Variants in ANK1 observed in about 807,000 individuals in gnomAD.
ANK1 encodes the protein ankyrin 1.
In ANK1, 51 loss-of-function variants were observed where a neutral mutation model predicts 210.4. That is an observed-to-expected ratio of 0.24 (90% CI 0.19 to 0.31). ANK1 has a LOEUF of 0.31. ANK1 is among the 10% of genes least tolerant of loss of function. The pLI is 1.00. For missense variants in ANK1, 2,051 were observed against 2,504.4 expected, an observed-to-expected ratio of 0.82 and a Z score of 3.86; for synonymous variants, 967 against 1,025.9, an observed-to-expected ratio of 0.94 and a Z score of 1.10.
intron 1 of ANK1, among the ~76,000 whole-genome samples, chr8:41,807,265 G>A (rs1156610363): frequency 3.9e-5 from 6 of 152,292 alleles, no homozygotes; most frequent in South Asian, 2.1e-4. Context: ...TCAGATGACC[G>A]AGGCAAGAGA....
At chr8:41,828,084 G>C (rs932560850) in intron 1 of ANK1, 1 of 151,990 alleles carries the variant, frequency 6.6e-6, no homozygotes, top group African/African-American at 2.4e-5. Flanking sequence ...CCCCGCCCCA[G>C]GGCCGCGAGC....
At chr8:41,827,430 G>A (rs546670973) in intron 1 of ANK1, among the ~76,000 whole-genome samples, 1 of 152,312 alleles carries the variant, frequency 6.6e-6, no homozygotes, top group South Asian at 2.1e-4. Flanking sequence ...GCCTGAATTA[G>A]TCAAGCATCA....
intron 2 of ANK1, among the ~76,000 whole-genome samples, chr8:41,756,284 T>C (rs1839134122): frequency 1.3e-5 from 2 of 151,572 alleles, no homozygotes; most frequent in African/African-American, 4.9e-5. Context: ...TAGCTGGGAC[T>C]ATAGGCACGC....
At chr8:41,784,721 A>C (rs1037816756) in intron 1 of ANK1, among the ~76,000 whole-genome samples, 5 of 152,226 alleles carry the variant, frequency 3.3e-5, no homozygotes, top group Admixed American at 2.6e-4. Flanking sequence ...AAGGTTTTGC[A>C]AATTAAACAA....
chr8:41,833,728 T>G (rs927857286), intron 1 of ANK1, among the ~76,000 whole-genome samples: 2 of 152,176 alleles, frequency 1.3e-5, no homozygotes, highest in Admixed American at 1.3e-4. Flanking sequence ...CCGGGCTCTG[T>G]GTTGGTGCTG....
chr8:41,797,639 G>A, upstream of ANK1: 2 of 1,564,994 alleles, frequency 1.3e-6, no homozygotes, highest in Non-Finnish European at 1.7e-6. This position sits in a 1 kb window ranked among gnomAD's most constrained non-coding sequence, Gnocchi z 4.0. Context: ...CCTGTGACGT[G>A]CGGGCCAGGC....
chr8:41,777,759 G>A (rs1394999712), intron 1 of ANK1, among the ~76,000 whole-genome samples: 1 of 152,076 alleles, frequency 6.6e-6, no homozygotes. Context: ...CCTTTTCAAA[G>A]TGACCTGTCT....
intron 1 of ANK1, among the ~76,000 whole-genome samples, chr8:41,775,369 C>T (rs1375248442): frequency 6.6e-6 from 1 of 152,140 alleles, no homozygotes; most frequent in Non-Finnish European, 1.5e-5. Flanking sequence ...TCCAGAGGGG[C>T]TTGTGACCCT....
chr8:41,708,942 G>C lies in ANK1; in HGVS notation c.1834C>G (p.Gln612Glu). The change falls in exon 17 of 43, where the codon CAG (glutamine) becomes GAG (glutamate). Residue 612 changes from glutamine to glutamate, a missense_variant. Gln to Glu is a conservative substitution (Grantham distance 29). Transcript: ENST00000289734. Reference protein sequence around the residue: ...GYTPLHIAAKQNQVEVARSLL... With the variant: ...GYTPLHIAAKENQVEVARSLL... The stretch of plus-strand genomic sequence containing the variant: ...CTACGGGCCACCTCCACCTGGTTCT[G>C]CTTGGCAGCGATGTGCAAAGGGGTG... The C allele has an allele frequency of 1.2e-6, 2 of 1,614,088 alleles. No individual in the cohort carries two copies. Among genetic ancestry groups the C allele is most frequent in the Non-Finnish European group, 1.7e-6 (2 of 1,180,026 alleles).
In ANK1 at chr8:41,661,791, G is replaced by A. The variant is rs373455493; in HGVS notation, c.5544+85C>T. 8.1e-6 allele frequency: 13 copies of A among 1,613,280 alleles called. No homozygotes were observed. Among genetic ancestry groups the A allele is most frequent in the Admixed American group, 1.7e-5 (1 of 60,010 alleles). On this transcript the variant is annotated intron_variant, in intron 41 of 42. Transcript: ENST00000289734. Reference sequence around the variant, plus strand: ...CGCTGGGTCCCCCAGGGCCGCGGGCGCCTCAGTACCTTGGAGTGTTTCATA... The same window carrying A: ...CGCTGGGTCCCCCAGGGCCGCGGGCACCTCAGTACCTTGGAGTGTTTCATA...
At position 41,672,843 on chromosome 8, in the gene ANK1, C is replaced by T. The variant is rs767213092; in HGVS notation, c.4607G>A (p.Arg1536His). The T allele has an allele frequency of 1.9e-5, 31 of 1,611,638 alleles. No individual in the cohort carries two copies. The highest frequency in any genetic ancestry group is 4.4e-5 in the South Asian group (4 of 90,974). Residue 1536 changes from arginine to histidine, a missense_variant, in exon 38 of 43, where the codon CGT becomes CAT. Arg to His is a conservative substitution (Grantham distance 29, BLOSUM62 0). This residue lies in a region of ANK1 where 496 missense variants were observed against 533.4 expected (regional missense o/e 0.93). Coordinates refer to ENST00000289734, the MANE Select transcript of ANK1 (RefSeq NM_000037.4). The stretch of plus-strand genomic sequence containing the variant: ...CACCTCATTCCAGTACTGGTCTGCA[C>T]GTAGCGGAGAGGAAAGTGCACAGCC... ...SLGCALSSPL[R>H]ADQYWNEVAV...
chr8:41,871,208 A>T (rs1437604872), intron 1 of ANK1, among the ~76,000 whole-genome samples: 1 of 152,184 alleles, frequency 6.6e-6, no homozygotes, highest in Non-Finnish European at 1.5e-5. Context: ...ATGAGGCTGC[A>T]TCTTCTCTCT....
At chr8:41,857,027 C>T (rs1260467128) in intron 1 of ANK1, among the ~76,000 whole-genome samples, 1 of 151,728 alleles carries the variant, frequency 6.6e-6, no homozygotes, top group African/African-American at 2.4e-5. Context: ...TACAGATGCG[C>T]ACCACCATGC....
At position 41,725,882 on chromosome 8, in the gene ANK1, A is replaced by G. The variant is rs1179131473; in HGVS notation, c.491T>C (p.Ile164Thr). Residue 164 changes from isoleucine (I) to threonine (T), a missense_variant, in exon 6 of 43, where the codon ATC becomes ACC. This residue lies in a region of ANK1 where 1,413 missense variants were observed against 1,707.4 expected (regional missense o/e 0.83). Transcript: ENST00000289734. ...CACCTTCCCCTTGGTGCCGTAGTTG[A>G]TGAGGTGCGCGACGACGTTCTCATG... The part of the protein sequence containing the change: ...QGHENVVAHL[I>T]NYGTKGKVRL... 4.3e-6 allele frequency: 7 copies of G among 1,613,406 alleles called. No homozygotes were observed. The highest frequency in any genetic ancestry group is 1.3e-5 in the African/African-American group (1 of 74,920).
At chr8:41,655,786 G>C in intron 42 of ANK1, 33 bp from the exon 43 acceptor site, 1 of 1,612,248 alleles carries the variant, frequency 6.2e-7, no homozygotes, top group Non-Finnish European at 8.5e-7. Context: ...GAGTCACTTA[G>C]AATGCAAAAG....
intron 1 of ANK1, among the ~76,000 whole-genome samples, chr8:41,888,103 C>T (rs570715293): frequency 2.6e-5 from 4 of 152,354 alleles, no homozygotes; most frequent in Admixed American, 6.5e-5. Context: ...CTGCAAGCCC[C>T]GCAGCTGCCC....
At chr8:41,716,197 A>T (rs1001040084) in intron 13 of ANK1, among the ~76,000 whole-genome samples, 3 of 152,094 alleles carry the variant, frequency 2.0e-5, no homozygotes, top group African/African-American at 4.8e-5. Context: ...TTTGGTGCAT[A>T]AAAGGCACTC....
rs1010501982 is a variant in ANK1 at position 41,694,191 on chromosome 8, C to T, written c.3328-89G>A. On this transcript the variant is annotated intron_variant, in intron 28 of 42. Coordinates refer to ENST00000289734, the MANE Select transcript of ANK1 (RefSeq NM_000037.4). This position sits in a 1 kb window ranked among gnomAD's most constrained non-coding sequence, Gnocchi z 5.7. The stretch of plus-strand genomic sequence containing the variant: ...CAGCTCCATGCCTGGTGAGAGTGGC[C>T]GTCAGTGCACGGGGTCCCGCCCTGC... 41 of 1,378,248 alleles carry T rather than the reference C, an allele frequency of 3.0e-5. No homozygotes were observed. Among genetic ancestry groups the T allele is most frequent in the South Asian group, 1.2e-4 (9 of 77,916 alleles). 85.4% of individuals were successfully genotyped at this position (1,378,248 alleles called of 1,614,324 possible). A position where few individuals can be genotyped will look rare whatever the true frequency, so the allele number is the denominator to read the frequency against.
In ANK1 at chr8:41,841,683, C is replaced by T. The variant is rs532118896; in HGVS notation, c.126+54672G>A. Among the ~76,000 whole-genome samples, 4 of 152,074 alleles carry T rather than the reference C, an allele frequency of 2.6e-5. No homozygotes were observed. In the East Asian group the frequency reaches 5.8e-4, roughly 22 times the overall value. On this transcript the variant is annotated intron_variant, in intron 1 of 42. Coordinates refer to the ANK1 transcript ENST00000265709. Reference sequence around the variant, plus strand: ...TCCAAACTCATCAAATGTATACATCCAATACACACAGGGGTTTTTTTTTGT... The same window carrying T: ...TCCAAACTCATCAAATGTATACATCTAATACACACAGGGGTTTTTTTTTGT...
Sources: gnomAD v4.1 joint callset for allele counts (sites outside exome capture counted in the v4.1 genomes callset) on GRCh38, gnomAD v4.1.1 for gene constraint, gnomAD v4.1.1 regional missense constraint, Gnocchi (gnomAD v3.1) non-coding constraint, MANE v1.5 for transcripts, NCBI Gene and HGNC (gene_info 2026-07-23, HGNC 2026-07-21) for gene names.